PUS7: variants seen among roughly 807,000 people sequenced by gnomAD.
The protein encoded by PUS7 is pseudouridine synthase 7.
PUS7 carries 48 observed loss-of-function variants against 79.8 expected under a neutral mutation model. The observed-to-expected ratio is 0.60, with a 90% CI of 0.48 to 0.76. PUS7 has a LOEUF of 0.76. PUS7 is among the 30% of genes least tolerant of loss of function. The probability of loss-of-function intolerance (pLI) is 0.00; values close to 1 mark genes in which losing one functional copy is unlikely to be tolerated. For synonymous variants in PUS7, 286 were observed against 272.2 expected, an observed-to-expected ratio of 1.05 and a Z score of -0.50; for missense variants, 729 against 797.6, an observed-to-expected ratio of 0.91 and a Z score of 1.04.
rs374696285 is a variant in PUS7, at chr7:105,481,109, T to A, written c.1118A>T (p.Asn373Ile). The A allele has an allele frequency of 3.1e-6, 5 of 1,612,858 alleles. No individual in the cohort carries two copies. The highest frequency in any genetic ancestry group is 1.3e-5 in the African/African-American group (1 of 74,920). Reference protein sequence around the residue: ...MNSLKEIGFINYYGMQRFGTT... With the variant: ...MNSLKEIGFIIYYGMQRFGTT... Reference sequence around the variant, plus strand: ...TCCAAATCTTTGCATTCCATAGTAGTTAATAAATCCAATCTCCTTGAGAGA... The same window carrying A: ...TCCAAATCTTTGCATTCCATAGTAGATAATAAATCCAATCTCCTTGAGAGA... The change falls in exon 9 of 16, where the codon AAC becomes ATC. Residue 373 changes from asparagine to isoleucine, a missense_variant. Asn to Ile is a moderately radical substitution (Grantham distance 149). Transcript: ENST00000469408.
intron 9 of PUS7, among the ~76,000 whole-genome samples, chr7:105,480,398 C>T (rs1293477601): frequency 6.6e-6 from 1 of 152,116 alleles, no homozygotes; most frequent in Non-Finnish European, 1.5e-5. Context: ...TTGCTTGAAC[C>T]TGGGAGGTGG....
At chr7:105,496,946 G>T in intron 5 of PUS7, 1 of 1,212,096 alleles carries the variant, frequency 8.3e-7, no homozygotes. Context: ...AATGCCAAAT[G>T]CTCTTACCTG....
chr7:105,521,486 G>C (rs1038973766), intron 1 of PUS7, among the ~76,000 whole-genome samples: 2 of 152,156 alleles, frequency 1.3e-5, no homozygotes, highest in East Asian at 3.9e-4. Context: ...TCTGCAGCCC[G>C]TCCACTCCTA....
intron 4 of PUS7, 98 bp from the exon 5 acceptor site, chr7:105,502,662 T>A: frequency 1.5e-6 from 2 of 1,314,312 alleles, no homozygotes; most frequent in Non-Finnish European, 2.1e-6. Flanking sequence ...CCTTATTAAC[T>A]ACGCAAAATA....
rs533558100 is a variant in PUS7, at chr7:105,475,465, G to A, written c.1176-3272C>T. 6.6e-5 allele frequency among the ~76,000 whole-genome samples: 10 copies of A among 151,984 alleles called. No homozygotes were observed. The South Asian group carries it at 2.1e-3, about 32-fold the overall frequency. ...CTCCTGGAGTGCTGGGATTACAGGCGTCAGCCACCGTGCCAGGCCATTTTT... is the reference window on the plus strand; with the variant it reads ...CTCCTGGAGTGCTGGGATTACAGGCATCAGCCACCGTGCCAGGCCATTTTT... On this transcript the variant is annotated intron_variant, in intron 9 of 15. Coordinates refer to ENST00000469408, the MANE Select transcript of PUS7 (RefSeq NM_019042.5).
chr7:105,467,040 T>G (rs1303959600), intron 12 of PUS7, among the ~76,000 whole-genome samples: 5 of 121,678 alleles, frequency 4.1e-5, no homozygotes, highest in African/African-American at 1.0e-4. Flanking sequence ...TTCTGTTTTT[T>G]TTTTTTTTTT....
intron 7 of PUS7, among the ~76,000 whole-genome samples, chr7:105,489,698 C>T (rs1420043645): frequency 1.3e-5 from 2 of 152,078 alleles, no homozygotes; most frequent in Non-Finnish European, 2.9e-5. Flanking sequence ...ACGATACAAC[C>T]GGTTCAACAA....
chr7:105,467,005 A>G (rs1823668948), intron 12 of PUS7, among the ~76,000 whole-genome samples: 1 of 149,596 alleles, frequency 6.7e-6, no homozygotes, highest in Non-Finnish European at 1.5e-5. Flanking sequence ...GTTTGGAATC[A>G]GATAGAACTC....
At chr7:105,489,179 A>G (rs1487878493) in intron 7 of PUS7, among the ~76,000 whole-genome samples, 1 of 151,336 alleles carries the variant, frequency 6.6e-6, no homozygotes, top group Admixed American at 6.6e-5. Context: ...GAAAGAAAGA[A>G]AAGAAAAAGA....
chr7:105,492,048 G>A (rs1235314132), intron 6 of PUS7, among the ~76,000 whole-genome samples: 3 of 62,508 alleles, frequency 4.8e-5, no homozygotes, highest in Admixed American at 2.1e-4. Context: ...CAGAGACTCC[G>A]TCTCAAAAAA....
chr7:105,492,966 AAAC>A (rs1484922537), intron 6 of PUS7, among the ~76,000 whole-genome samples: 1 of 152,214 alleles, frequency 6.6e-6, no homozygotes, highest in East Asian at 1.9e-4. Context: ...TTAGCAGTGT[AAAC>A]ATTTGTGGCT....
intron 10 of PUS7, among the ~76,000 whole-genome samples, 164 bp downstream of exon 10, chr7:105,471,968 A>G (rs536493922): frequency 5.2e-4 from 79 of 151,882 alleles, no homozygotes; most frequent in African/African-American, 1.7e-3. Flanking sequence ...AAATATACAT[A>G]TACAACTGTT....
At chr7:105,466,836 C>CT (rs1823662548) in intron 12 of PUS7, among the ~76,000 whole-genome samples, 1 of 151,244 alleles carries the variant, frequency 6.6e-6, no homozygotes, top group Non-Finnish European at 1.5e-5. Context: ...CTGGATGTGA[C>CT]CAACATGGCA....
intron 1 of PUS7, among the ~76,000 whole-genome samples, chr7:105,514,944 G>A (rs2463633): frequency 0.028 from 4,332 of 152,032 alleles, 202 homozygotes; most frequent in African/African-American, 0.098. Context: ...ACAGGCGCCC[G>A]CCACCACGCC....
At chr7:105,518,395 C>T (rs923340697) in intron 1 of PUS7, among the ~76,000 whole-genome samples, 7 of 151,786 alleles carry the variant, frequency 4.6e-5, no homozygotes, top group Admixed American at 4.6e-4. Flanking sequence ...ACAACAGTCT[C>T]TTGTTTGTTT....
At position 105,508,339 on chromosome 7, in the gene PUS7, C is replaced by T. The variant is rs1202484514; in HGVS notation, c.174G>A (p.Val58=). The T allele has an allele frequency of 6.2e-7, 1 of 1,614,112 alleles. No individual in the cohort carries two copies. Among genetic ancestry groups the T allele is most frequent in the Admixed American group, 1.7e-5 (1 of 60,000 alleles). The part of the protein sequence containing the change: ...QNDFLSISED[V]PRPPDTVSTG... ...TACTGACAGTGTCAGGAGGCCGAGG[C>T]ACGTCTTCACTGATGGACAGAAAGT... The change falls in exon 2 of 16, where the codon GTG becomes GTA. Residue 58 remains valine (V), a synonymous_variant. Coordinates refer to ENST00000469408, the MANE Select transcript of PUS7 (RefSeq NM_019042.5).
chr7:105,471,724 C>T (rs1823881084), intron 10 of PUS7, among the ~76,000 whole-genome samples: 1 of 151,962 alleles, frequency 6.6e-6, no homozygotes, highest in Admixed American at 6.6e-5. Context: ...ACCAGCCTGG[C>T]CAATGTGGTA....
At chr7:105,467,010 G>A in intron 12 of PUS7, among the ~76,000 whole-genome samples, 1 of 138,374 alleles carries the variant, frequency 7.2e-6, no homozygotes, top group Non-Finnish European at 1.5e-5. Flanking sequence ...GAATCAGATA[G>A]AACTCTGAAT....
intron 11 of PUS7, chr7:105,470,250 T>C (rs1823819218): frequency 6.5e-6 from 1 of 153,742 alleles, no homozygotes; most frequent in South Asian, 2.0e-4. Flanking sequence ...GGATTATACA[T>C]ATCCAAATAC....
Sources: allele counts gnomAD v4.1 joint callset (sites outside exome capture counted in the v4.1 genomes callset), GRCh38; gene constraint gnomAD v4.1.1; transcripts MANE v1.5; gene names NCBI Gene and HGNC (gene_info 2026-07-23, HGNC 2026-07-21).